The following AGBL4 variants were observed in gnomAD, a reference collection of about 807,000 sequenced individuals.
The protein encoded by AGBL4 is cytosolic carboxypeptidase 6.
A neutral mutation model predicts 66.4 loss-of-function variants in AGBL4; 58 were observed. The ratio of observed to expected loss-of-function variants is 0.87; its 90% CI spans 0.71 to 1.09. The LOEUF (loss-of-function observed/expected upper bound fraction) is 1.09, where lower values mean the gene tolerates loss of function less well. AGBL4 is among the 50% of genes least tolerant of loss of function. The probability of loss-of-function intolerance (pLI) is 0.00; values close to 1 mark genes in which losing one functional copy is unlikely to be tolerated. For synonymous variants in AGBL4, 234 were observed against 222.9 expected (o/e 1.05, Z -0.44); for missense variants, 579 against 631.0 (o/e 0.92, Z 0.88).
intron 3 of AGBL4, among the ~76,000 whole-genome samples, chr1:49,259,045 C>T (rs1391875430): frequency 3.3e-5 from 5 of 152,016 alleles, no homozygotes; most frequent in African/African-American, 4.8e-5. Flanking sequence ...AATTTCATAT[C>T]CAGCCAAACT....
At chr1:49,973,595 A>T (rs1302998570) in intron 1 of AGBL4, among the ~76,000 whole-genome samples, 1 of 148,348 alleles carries the variant, frequency 6.7e-6, no homozygotes, top group African/African-American at 2.4e-5. Context: ...ATTATCCTAT[A>T]TATTGTTATA....
chr1:48,564,016 G>A (rs570586112), intron 11 of AGBL4, among the ~76,000 whole-genome samples: 17 of 152,158 alleles, frequency 1.1e-4, no homozygotes, highest in Non-Finnish European at 2.1e-4. Context: ...CTCAATGATC[G>A]GGCCTATGAT....
chr1:49,943,928 C>G (rs1281841460), intron 1 of AGBL4, among the ~76,000 whole-genome samples: 1 of 152,036 alleles, frequency 6.6e-6, no homozygotes, highest in Non-Finnish European at 1.5e-5. Context: ...GAAACAGACT[C>G]AGTGCTGTTG....
intron 2 of AGBL4, among the ~76,000 whole-genome samples, chr1:49,716,162 C>A (rs1648115931): frequency 6.6e-6 from 1 of 152,134 alleles, no homozygotes; most frequent in African/African-American, 2.4e-5. Context: ...TTTCAGTTTT[C>A]TGCATATGGC....
At chr1:49,662,429 A>G (rs1299113516) in intron 3 of AGBL4, among the ~76,000 whole-genome samples, 5 of 152,130 alleles carry the variant, frequency 3.3e-5, no homozygotes, top group African/African-American at 1.2e-4. Flanking sequence ...ATCTTTTAAC[A>G]CAATGACAAG....
intron 2 of AGBL4, among the ~76,000 whole-genome samples, chr1:49,747,103 T>A (rs1651046635): frequency 6.6e-6 from 1 of 152,152 alleles, no homozygotes; most frequent in African/African-American, 2.4e-5. Flanking sequence ...CAAACCCACT[T>A]TATGCACACC....
chr1:48,629,896 A>G (rs1645566047), intron 9 of AGBL4, among the ~76,000 whole-genome samples: 1 of 152,208 alleles, frequency 6.6e-6, no homozygotes, highest in Non-Finnish European at 1.5e-5. Flanking sequence ...TTGTGGTTCA[A>G]TTCTTCCTTT....
intron 6 of AGBL4, among the ~76,000 whole-genome samples, chr1:48,708,029 T>C (rs1557893195): frequency 6.6e-6 from 1 of 152,216 alleles, no homozygotes; most frequent in Non-Finnish European, 1.5e-5. Context: ...GTGGGCAGTA[T>C]TGTTGCCATT....
chr1:48,837,417 A>G lies in AGBL4; in HGVS notation c.634+29774T>C, dbSNP rs572449633. Among the ~76,000 whole-genome samples the G allele has an allele frequency of 1.3e-4, 20 of 152,090 alleles. No homozygotes were observed. The East Asian group carries it at 3.9e-3, about 29-fold the overall frequency. ...TCAGTGGGCTGGGAAAGGCAGACCC[A>G]TCCTTAATCTGGATGGGCACCATCT... On this transcript the variant is annotated intron_variant, in intron 6 of 13. Coordinates refer to ENST00000371839, the MANE Select transcript of AGBL4 (RefSeq NM_032785.4).
intron 5 of AGBL4, 117 bp from the exon 6 acceptor site, chr1:48,867,347 C>A: frequency 9.9e-7 from 1 of 1,009,528 alleles, no homozygotes; most frequent in South Asian, 1.4e-5. Flanking sequence ...GTAAATCATA[C>A]GGAATGTGGT....
intron 1 of AGBL4, among the ~76,000 whole-genome samples, chr1:49,949,698 A>C (rs1427342020): frequency 6.6e-6 from 1 of 151,690 alleles, no homozygotes; most frequent in East Asian, 1.9e-4. Flanking sequence ...CAAAAAATTA[A>C]AAAATAAATG....
chr1:48,597,527 A>G (rs1645011247), intron 9 of AGBL4, among the ~76,000 whole-genome samples: 1 of 152,066 alleles, frequency 6.6e-6, no homozygotes, highest in Non-Finnish European at 1.5e-5. Context: ...ATTAAGCCTC[A>G]AAAGATGATA....
intron 3 of AGBL4, among the ~76,000 whole-genome samples, chr1:49,274,361 AATG>A (rs1320291596): frequency 2.0e-5 from 3 of 152,156 alleles, no homozygotes; most frequent in Non-Finnish European, 2.9e-5. Flanking sequence ...TCAAATAAAA[AATG>A]ATATTTAACT....
intron 5 of AGBL4, among the ~76,000 whole-genome samples, chr1:48,896,434 G>C (rs1651516575): frequency 6.6e-6 from 1 of 152,236 alleles, no homozygotes; most frequent in Non-Finnish European, 1.5e-5. Context: ...AAAGTGATCA[G>C]AATGGCTTCT....
intron 1 of AGBL4, among the ~76,000 whole-genome samples, chr1:49,957,325 T>C (rs1254058523): frequency 2.0e-5 from 3 of 152,104 alleles, no homozygotes; most frequent in Non-Finnish European, 4.4e-5. Context: ...CTGAGAAGAA[T>C]GCATATTCTG....
At chr1:48,827,980 C>A (rs1269430491) in intron 6 of AGBL4, among the ~76,000 whole-genome samples, 2 of 142,426 alleles carry the variant, frequency 1.4e-5, no homozygotes, top group Non-Finnish European at 3.0e-5. Flanking sequence ...TGTGAGACCC[C>A]GTCTCTACTA....
chr1:49,179,586 A>C (rs937609066), intron 4 of AGBL4, among the ~76,000 whole-genome samples: 1 of 152,020 alleles, frequency 6.6e-6, no homozygotes. Flanking sequence ...TCAGAAGTCA[A>C]CACTAGCAAG....
intron 5 of AGBL4, among the ~76,000 whole-genome samples, chr1:48,902,832 C>T (rs972373683): frequency 3.3e-5 from 5 of 152,160 alleles, no homozygotes; most frequent in Non-Finnish European, 7.3e-5. Context: ...ATTTCACTCT[C>T]ATTCTAAATT....
Position 49,045,688 on chromosome 1 carries a change from C to A in AGBL4, c.490G>T (p.Ala164Ser). The A allele has an allele frequency of 6.4e-7, 1 of 1,564,996 alleles. No individual in the cohort carries two copies. Among genetic ancestry groups the A allele is most frequent in the Non-Finnish European group, 8.7e-7 (1 of 1,153,398 alleles). ...GTGTATGTATATGGGTAGCAGTAAGCAAACTGGTAAATATCTTCTTCTCGG... is the reference window on the plus strand; with the variant it reads ...GTGTATGTATATGGGTAGCAGTAAGAAAACTGGTAAATATCTTCTTCTCGG... ...FDREEDIYQF[A>S]YCYPYTYTRF... Residue 164 changes from alanine to serine, a missense_variant, in exon 5 of 14, where the codon GCT (alanine) becomes TCT (serine). Ala to Ser is a moderately conservative substitution (Grantham distance 99). Coordinates refer to ENST00000371839, the MANE Select transcript of AGBL4 (RefSeq NM_032785.4).
Sources: gnomAD v4.1 joint callset for allele counts (sites outside exome capture counted in the v4.1 genomes callset) on GRCh38, gnomAD v4.1.1 for gene constraint, MANE v1.5 for transcripts, NCBI Gene and HGNC (gene_info 2026-07-23, HGNC 2026-07-21) for gene names.